B3GALT1: variants seen among roughly 807,000 people sequenced by gnomAD.
B3GALT1 encodes the protein UDP-Gal:betaGlcNAc beta 1,3-galactosyltransferase, polypeptide 1.
A neutral mutation model predicts 23.2 loss-of-function variants in B3GALT1; 10 were observed. That is an observed-to-expected ratio of 0.43 (90% CI 0.27 to 0.73). B3GALT1 has a LOEUF of 0.73. B3GALT1 is among the 30% of genes least tolerant of loss of function. B3GALT1 has a pLI of 0.21. For missense variants in B3GALT1, 299 were observed against 405.4 expected (o/e 0.74, Z 2.25); for synonymous variants, 156 against 141.5 (o/e 1.10, Z -0.73).
chr2:167,628,973 A>G (rs1685392690), intron 2 of B3GALT1, among the ~76,000 whole-genome samples: 1 of 151,726 alleles, frequency 6.6e-6, no homozygotes, highest in South Asian at 2.1e-4. Context: ...GCCAGAATCT[A>G]GCAATCTAGG....
intron 2 of B3GALT1, among the ~76,000 whole-genome samples, chr2:167,498,422 AG>A (rs1322748305): frequency 1.3e-5 from 2 of 152,288 alleles, no homozygotes; most frequent in African/African-American, 4.8e-5. Context: ...TACTTCTAAT[AG>A]AATGTTAATA....
chr2:167,296,915 T>G (rs1447035366), intron 1 of B3GALT1, among the ~76,000 whole-genome samples: 3 of 152,160 alleles, frequency 2.0e-5, no homozygotes, highest in Non-Finnish European at 2.9e-5. Context: ...CTAGATCTCA[T>G]GGACCAATCT....
At chr2:167,340,334 A>C (rs1179878200) in intron 1 of B3GALT1, among the ~76,000 whole-genome samples, 3 of 150,522 alleles carry the variant, frequency 2.0e-5, no homozygotes, top group East Asian at 1.9e-4. Flanking sequence ...AAAAAAAAAA[A>C]ACAGAGCTTT....
intron 1 of B3GALT1, among the ~76,000 whole-genome samples, chr2:167,321,828 A>G (rs1404065305): frequency 6.6e-6 from 1 of 152,022 alleles, no homozygotes; most frequent in African/African-American, 2.4e-5. Flanking sequence ...CCAATATGGT[A>G]ATCTAAACTG....
At chr2:167,776,761 A>G (rs1688169322) in intron 3 of B3GALT1, among the ~76,000 whole-genome samples, 1 of 152,230 alleles carries the variant, frequency 6.6e-6, no homozygotes, top group Non-Finnish European at 1.5e-5. Context: ...GAGGAACTAC[A>G]GTGGCAAATC....
chr2:167,722,832 T>C (rs1277338229), intron 3 of B3GALT1, among the ~76,000 whole-genome samples: 1 of 152,154 alleles, frequency 6.6e-6, no homozygotes, highest in African/African-American at 2.4e-5. Context: ...TAAAACTGAA[T>C]TGGCCCCAAA....
At chr2:167,488,725 A>G (rs1559111807) in intron 1 of B3GALT1, among the ~76,000 whole-genome samples, 1 of 152,202 alleles carries the variant, frequency 6.6e-6, no homozygotes, top group African/African-American at 2.4e-5. Context: ...ATTATTCCAG[A>G]AAGTTCCCTC....
Position 167,514,088 on chromosome 2 carries a change from T to C in B3GALT1, c.-410+23811T>C, listed in dbSNP as rs1700067584. 7.9e-5 allele frequency among the ~76,000 whole-genome samples: 12 copies of C among 152,160 alleles called. No individual in the cohort carries two copies. In the South Asian group the frequency reaches 2.5e-3, roughly 32 times the overall value. The stretch of plus-strand genomic sequence containing the variant: ...CGCCCAGCTAATTTTTTTGTATCTT[T>C]AGTAGAAACGGGGTTTCACCATATT... On this transcript the variant is annotated intron_variant, in intron 2 of 4. Coordinates refer to ENST00000392690, the MANE Select transcript of B3GALT1 (RefSeq NM_020981.4).
At chr2:167,648,526 T>C (rs1268344437) in intron 3 of B3GALT1, among the ~76,000 whole-genome samples, 2 of 152,130 alleles carry the variant, frequency 1.3e-5, no homozygotes, top group African/African-American at 4.8e-5. Flanking sequence ...CCATATGAAA[T>C]ATTCTTACCC....
intron 2 of B3GALT1, among the ~76,000 whole-genome samples, chr2:167,553,308 A>T (rs1683781915): frequency 6.6e-6 from 1 of 152,136 alleles, no homozygotes; most frequent in African/African-American, 2.4e-5. Flanking sequence ...AGCCAAATTG[A>T]CTCTGATGTA....
intron 2 of B3GALT1, among the ~76,000 whole-genome samples, chr2:167,548,700 G>GTGTA (rs1394513183): frequency 2.0e-5 from 3 of 151,638 alleles, no homozygotes; most frequent in African/African-American, 7.3e-5. Flanking sequence ...GTGTGTGTGT[G>GTGTA]TGTGTGTGTG....
At chr2:167,661,972 A>G (rs190070703) in intron 3 of B3GALT1, among the ~76,000 whole-genome samples, 1 of 152,146 alleles carries the variant, frequency 6.6e-6, no homozygotes, top group Non-Finnish European at 1.5e-5. Context: ...CTGTAAAGAG[A>G]AATAAAACCT....
At chr2:167,727,683 C>G (rs899167603) in intron 3 of B3GALT1, among the ~76,000 whole-genome samples, 2 of 152,178 alleles carry the variant, frequency 1.3e-5, no homozygotes, top group African/African-American at 2.4e-5. Context: ...AGGCTGGGTA[C>G]ATTCCATCCT....
At chr2:167,486,382 G>T (rs1204182362) in intron 1 of B3GALT1, among the ~76,000 whole-genome samples, 2 of 146,638 alleles carry the variant, frequency 1.4e-5, no homozygotes, top group Admixed American at 6.8e-5. Flanking sequence ...GAAAAGAAAA[G>T]AAAAGATGCT....
At chr2:167,621,288 G>A (rs1372487842) in intron 2 of B3GALT1, among the ~76,000 whole-genome samples, 3 of 151,590 alleles carry the variant, frequency 2.0e-5, no homozygotes, top group Non-Finnish European at 2.9e-5. Context: ...GTCTCCATAC[G>A]TTGCCCAGGC....
intron 1 of B3GALT1, among the ~76,000 whole-genome samples, chr2:167,446,492 C>T (rs1185153148): frequency 6.6e-6 from 1 of 152,214 alleles, no homozygotes; most frequent in Admixed American, 6.5e-5. Context: ...CTGTCACTCT[C>T]AGGTACACCA....
intron 3 of B3GALT1, among the ~76,000 whole-genome samples, chr2:167,806,934 C>A (rs1688768601): frequency 6.6e-6 from 1 of 152,166 alleles, no homozygotes; most frequent in Non-Finnish European, 1.5e-5. Flanking sequence ...GGCTGTGAAT[C>A]AGTCTGGTCC....
At chr2:167,483,679 A>G (rs1434059391) in intron 1 of B3GALT1, among the ~76,000 whole-genome samples, 1 of 152,180 alleles carries the variant, frequency 6.6e-6, no homozygotes, top group Non-Finnish European at 1.5e-5. Flanking sequence ...ATGTCTTTGG[A>G]TAAGTATTAT....
At chr2:167,623,868 T>C (rs1685300164) in intron 2 of B3GALT1, among the ~76,000 whole-genome samples, 1 of 152,072 alleles carries the variant, frequency 6.6e-6, no homozygotes, top group Admixed American at 6.6e-5. Flanking sequence ...GGGATGTATT[T>C]AATATATGAA....
Sources: gnomAD v4.1 joint callset for allele counts (sites outside exome capture counted in the v4.1 genomes callset) on GRCh38, gnomAD v4.1.1 for gene constraint, MANE v1.5 for transcripts, NCBI Gene and HGNC (gene_info 2026-07-23, HGNC 2026-07-21) for gene names.